MGLL: variants seen among roughly 807,000 people sequenced by gnomAD.
MGLL encodes monoglyceride lipase.
In MGLL, 7 loss-of-function variants were observed where a neutral mutation model predicts 29.1. The observed-to-expected ratio is 0.24, with a 90% CI of 0.14 to 0.45. The LOEUF is 0.45. Among genes scored for constraint, MGLL ranks in the 20% least tolerant of loss-of-function variants. The pLI is 0.99. For missense variants in MGLL, 356 were observed against 413.6 expected, an observed-to-expected ratio of 0.86 and a Z score of 1.21; for synonymous variants, 148 against 168.3, an observed-to-expected ratio of 0.88 and a Z score of 0.93.
chr3:127,758,642 G>T (rs1178478182), intron 3 of MGLL, among the ~76,000 whole-genome samples: 3 of 152,176 alleles, frequency 2.0e-5, no homozygotes, highest in Non-Finnish European at 4.4e-5. Context: ...TAACAATTCG[G>T]CTGTACCGAG....
intron 3 of MGLL, among the ~76,000 whole-genome samples, chr3:127,775,800 C>T (rs2077026029): frequency 6.6e-6 from 1 of 152,202 alleles, no homozygotes. Flanking sequence ...AGCAGGACTG[C>T]AGGGAGCAGG....
rs528594714 is a variant in MGLL at position 127,708,667 on chromosome 3, C to T, written c.600+1909G>A. Among the ~76,000 whole-genome samples, 358 of 152,318 alleles carry T rather than the reference C, an allele frequency of 2.4e-3. 1 individual carries two copies. The highest frequency in any genetic ancestry group is 8.3e-3 in the African/African-American group (345 of 41,574). The stretch of plus-strand genomic sequence containing the variant: ...TGCTTTGTCTTAAAGGGAGGCCCCT[C>T]CCTCCCTGACCCATCTTTCTCAAAC... On this transcript the variant is annotated intron_variant, in intron 6 of 7. Transcript: ENST00000265052.
chr3:127,804,969 A>G (rs759164642), intron 2 of MGLL, among the ~76,000 whole-genome samples: 9 of 152,198 alleles, frequency 5.9e-5, no homozygotes, highest in Non-Finnish European at 1.0e-4. Context: ...AGAGACGGCC[A>G]TTCTATGGGA....
At chr3:127,805,505 G>A (rs781471104) in intron 2 of MGLL, among the ~76,000 whole-genome samples, 2 of 152,124 alleles carry the variant, frequency 1.3e-5, no homozygotes, top group East Asian at 1.9e-4. Flanking sequence ...CTAACTGTGG[G>A]ACCTCATCAG....
chr3:127,704,685 A>G (rs2075564732), intron 6 of MGLL, among the ~76,000 whole-genome samples: 1 of 152,236 alleles, frequency 6.6e-6, no homozygotes, highest in African/African-American at 2.4e-5. Context: ...TCAAAACCAC[A>G]ATGAGATACC....
intron 5 of MGLL, 84 bp downstream of exon 5, chr3:127,720,969 T>G: frequency 7.9e-7 from 1 of 1,258,438 alleles, no homozygotes; most frequent in South Asian, 1.2e-5. Flanking sequence ...GCCTTTGGTC[T>G]TTTTACATAG....
At chr3:127,802,151 CAG>C (rs1405451322) in intron 2 of MGLL, among the ~76,000 whole-genome samples, 1 of 152,162 alleles carries the variant, frequency 6.6e-6, no homozygotes, top group African/African-American at 2.4e-5. Context: ...GGTCAGGAGA[CAG>C]GGGACATCCG....
intron 6 of MGLL, among the ~76,000 whole-genome samples, 154 bp from the exon 7 acceptor site, chr3:127,695,344 G>T (rs757387162): frequency 2.6e-5 from 4 of 152,194 alleles, no homozygotes; most frequent in South Asian, 2.1e-4. Context: ...GGCCAGCCGT[G>T]TTCATCCACA....
At chr3:127,794,814 G>A (rs959317576) in intron 2 of MGLL, among the ~76,000 whole-genome samples, 1 of 152,168 alleles carries the variant, frequency 6.6e-6, no homozygotes, top group Non-Finnish European at 1.5e-5. Context: ...TCTTATGTAG[G>A]CCTCCTCCTC....
chr3:127,822,576 G>A, upstream of MGLL: 1 of 535,554 alleles, frequency 1.9e-6, no homozygotes, highest in Non-Finnish European at 3.3e-6. Flanking sequence ...ACTAGTTCAT[G>A]TCATCACTTT....
intron 2 of MGLL, among the ~76,000 whole-genome samples, chr3:127,819,408 TC>T (rs1324841732): frequency 6.6e-6 from 1 of 152,076 alleles, no homozygotes; most frequent in East Asian, 1.9e-4. Context: ...GCTTCTGAGG[TC>T]CCTAGGGTCT....
At chr3:127,805,360 G>A (rs1036115221) in intron 2 of MGLL, among the ~76,000 whole-genome samples, 2 of 152,166 alleles carry the variant, frequency 1.3e-5, no homozygotes, top group Admixed American at 6.5e-5. Flanking sequence ...TAGGCACAAT[G>A]AGGCCTCTGC....
At position 127,690,587 on chromosome 3, in the gene MGLL, C is replaced by T. The variant is rs2075223942; in HGVS notation, c.*1611G>A. 1 of 152,810 alleles carries T rather than the reference C, an allele frequency of 6.5e-6. No individual in the cohort carries two copies. Among genetic ancestry groups the T allele is most frequent in the South Asian group, 2.1e-4 (1 of 4,844 alleles). The allele number at this position is 152,810 out of a possible 1,614,324, so 9.5% of individuals were successfully genotyped here. A position where few individuals can be genotyped will look rare whatever the true frequency, so the allele number is the denominator to read the frequency against. On this transcript the variant is annotated 3_prime_UTR_variant, in exon 8 of 8. Transcript: ENST00000265052. ...AGGGCGGGAGCCCCTGAGGCCTAGACTTCATGTTGGGGGTCCTGGTGGGAA... is the reference window on the plus strand; with the variant it reads ...AGGGCGGGAGCCCCTGAGGCCTAGATTTCATGTTGGGGGTCCTGGTGGGAA...
chr3:127,740,415 T>C (rs2076318665), intron 3 of MGLL, among the ~76,000 whole-genome samples: 1 of 151,872 alleles, frequency 6.6e-6, no homozygotes, highest in South Asian at 2.1e-4. Flanking sequence ...GGTGGAATCA[T>C]AGAGTATCTG....
intron 6 of MGLL, among the ~76,000 whole-genome samples, chr3:127,700,302 G>C (rs893518208): frequency 6.6e-4 from 100 of 152,306 alleles, no homozygotes; most frequent in African/African-American, 2.3e-3. Context: ...ATTTGTGGTG[G>C]AAAGAGCTGG....
At chr3:127,800,276 A>G (rs1047583955) in intron 2 of MGLL, among the ~76,000 whole-genome samples, 4 of 152,202 alleles carry the variant, frequency 2.6e-5, no homozygotes, top group African/African-American at 4.8e-5. Context: ...GCTAAGTGAG[A>G]GCAAAATAAA....
chr3:127,742,406 A>G (rs2076358091), intron 3 of MGLL, among the ~76,000 whole-genome samples: 1 of 152,212 alleles, frequency 6.6e-6, no homozygotes, highest in Non-Finnish European at 1.5e-5. Flanking sequence ...CCTGGCCAAC[A>G]TGGTGAAACC....
intron 6 of MGLL, 23 bp from the exon 7 acceptor site, chr3:127,695,213 C>T (rs1195720939): frequency 1.2e-6 from 2 of 1,604,878 alleles, no homozygotes; most frequent in Admixed American, 1.7e-5. Flanking sequence ...GGAGAGGGTT[C>T]CATCAGCATG....
intron 6 of MGLL, among the ~76,000 whole-genome samples, chr3:127,699,139 G>A (rs549115657): frequency 6.6e-6 from 1 of 152,358 alleles, no homozygotes; most frequent in South Asian, 2.1e-4. Context: ...GCCTCCTCTT[G>A]GGTTTTAAGT....
Sources: allele counts gnomAD v4.1 joint callset (sites outside exome capture counted in the v4.1 genomes callset), GRCh38; gene constraint gnomAD v4.1.1; transcripts MANE v1.5; gene names NCBI Gene and HGNC (gene_info 2026-07-23, HGNC 2026-07-21).